The following ATP11C variants were observed in gnomAD, a reference collection of about 807,000 sequenced individuals.
The protein encoded by ATP11C is ATPase phospholipid transporting 11C (ATP11C blood group), also known as phospholipid-transporting ATPase IG.
A neutral mutation model predicts 97.4 loss-of-function variants in ATP11C; 36 were observed. That is an observed-to-expected ratio of 0.37 (90% CI 0.28 to 0.49). The LOEUF (loss-of-function observed/expected upper bound fraction) is 0.49, where lower values mean the gene tolerates loss of function less well. Ranked by LOEUF, ATP11C falls within the 20% of genes least tolerant of loss-of-function variation. The probability of loss-of-function intolerance (pLI) is 0.98; values close to 1 mark genes in which losing one functional copy is unlikely to be tolerated. For synonymous variants in ATP11C, 275 were observed against 290.9 expected, an observed-to-expected ratio of 0.95 and a Z score of 0.56; for missense variants, 730 against 824.6, an observed-to-expected ratio of 0.89 and a Z score of 1.40.
At chrX:139,892,655 C>T (rs1182408492) in intron 1 of ATP11C, among the ~76,000 whole-genome samples, 1 of 112,108 alleles carries the variant, frequency 8.9e-6, no homozygotes, top group Non-Finnish European at 1.9e-5. Flanking sequence ...CCCAGAAATA[C>T]AAGGGCTAGT....
At chrX:139,850,601 G>T (rs2083973982) in intron 1 of ATP11C, among the ~76,000 whole-genome samples, 1 of 111,637 alleles carries the variant, frequency 9.0e-6, no homozygotes, top group African/African-American at 3.3e-5. Flanking sequence ...AGTTAAAGAT[G>T]AAATTTACAA....
chrX:139,885,718 A>G lies in ATP11C; in HGVS notation c.27+46298T>C, dbSNP rs78809533. On this transcript the variant is annotated intron_variant, in intron 1 of 29. Coordinates refer to ENST00000682941, the MANE Select transcript of ATP11C (RefSeq NM_001353812.2). ...AATGCCATTCACAGTGTCAGCAGTC[A>G]AAAACAAGGAAAAATCTGTATGACT... 2.7e-5 allele frequency: 3 copies of G among 111,976 alleles called. No homozygotes were observed. The South Asian group carries it at 1.1e-3, about 41-fold the overall frequency. The allele number at this position is 111,976 out of a possible 1,213,427, so 9.2% of individuals were successfully genotyped here. A position where few individuals can be genotyped will look rare whatever the true frequency, so the allele number is the denominator to read the frequency against.
chrX:139,834,935 A>G (rs1320116232), intron 1 of ATP11C, among the ~76,000 whole-genome samples: 2 of 112,430 alleles, frequency 1.8e-5, no homozygotes, highest in African/African-American at 6.5e-5. Flanking sequence ...TTTTTTGACC[A>G]CAGAACTCTT....
At chrX:139,845,470 T>A (rs983054546) in intron 1 of ATP11C, among the ~76,000 whole-genome samples, 5 of 112,070 alleles carry the variant, frequency 4.5e-5, no homozygotes, top group African/African-American at 1.6e-4. Flanking sequence ...GGGGAATATA[T>A]GTAGGGAGTG....
intron 12 of ATP11C, among the ~76,000 whole-genome samples, chrX:139,794,478 T>A (rs775476524): frequency 8.9e-6 from 1 of 112,333 alleles, no homozygotes; most frequent in Admixed American, 9.5e-5. Flanking sequence ...GGCAAGTTGC[T>A]TATACACTGT....
At chrX:139,837,512 C>T (rs989074785) in intron 1 of ATP11C, among the ~76,000 whole-genome samples, 22 of 112,351 alleles carry the variant, frequency 2.0e-4, no homozygotes, top group African/African-American at 7.1e-4. Context: ...ATAAAAAGCA[C>T]ATGTGTATGC....
Position 139,763,385 on chromosome X carries a change from G to A in ATP11C, c.2425C>T (p.Pro809Ser), listed in dbSNP as rs1005483923. 6 of 1,207,306 alleles carry A rather than the reference G, an allele frequency of 5.0e-6. No homozygotes were observed. The highest frequency in any genetic ancestry group is 3.4e-6 in the Non-Finnish European group (3 of 892,807). ...VRMVKNLKGS[P>S]ITLSIGDGAN... ...CCATCACCTATCGACAGAGTTATTGGGCTGCCTTTTAAATTCTTCACCATT... is the reference window on the plus strand; with the variant it reads ...CCATCACCTATCGACAGAGTTATTGAGCTGCCTTTTAAATTCTTCACCATT... Residue 809 changes from proline (P) to serine (S), a missense_variant, in exon 21 of 30, where the codon CCA becomes TCA. Pro to Ser is a moderately conservative substitution (Grantham distance 74). Coordinates refer to ENST00000682941, the MANE Select transcript of ATP11C (RefSeq NM_001353812.2).
intron 19 of ATP11C, among the ~76,000 whole-genome samples, chrX:139,772,985 T>A (rs1410165343): frequency 9.1e-6 from 1 of 110,441 alleles, no homozygotes; most frequent in African/African-American, 3.3e-5. Flanking sequence ...TATGATTTGG[T>A]TGTGTCCCCA....
chrX:139,783,391 T>C, intron 16 of ATP11C, 124 bp from the exon 17 acceptor site: 1 of 423,090 alleles, frequency 2.4e-6, no homozygotes, highest in Non-Finnish European at 4.0e-6. Flanking sequence ...CACCTTGCAA[T>C]ACTCACCTAA....
At position 139,728,663 on chromosome X, in the gene ATP11C, T is replaced by C. The variant is rs1342344243; in HGVS notation, c.*303A>G. ...GTTAAAAGAGCACCCATTTGAGTTA[T>C]ATTACTCTAACTAAAGCCAGAATTC... On this transcript the variant is annotated 3_prime_UTR_variant, in exon 30 of 30. Coordinates refer to ENST00000682941, the MANE Select transcript of ATP11C (RefSeq NM_001353812.2). 1 of 308,440 alleles carries C rather than the reference T, an allele frequency of 3.2e-6. No homozygotes were observed. Among genetic ancestry groups the C allele is most frequent in the Non-Finnish European group, 5.8e-6 (1 of 172,938 alleles). The allele number at this position is 308,440 out of a possible 1,213,427, so 25.4% of individuals were successfully genotyped here. A position where few individuals can be genotyped will look rare whatever the true frequency, so the allele number is the denominator to read the frequency against.
chrX:139,861,769 T>TATAC (rs768047355), intron 1 of ATP11C, among the ~76,000 whole-genome samples: 1 of 101,319 alleles, frequency 9.9e-6, no homozygotes, highest in Admixed American at 1.1e-4. Flanking sequence ...AATCCTGTTA[T>TATAC]ACACACACAC....
At chrX:139,765,756 G>A (rs756382498) in intron 20 of ATP11C, among the ~76,000 whole-genome samples, 2 of 112,071 alleles carry the variant, frequency 1.8e-5, no homozygotes, top group South Asian at 7.5e-4. Context: ...CAACAGCAGG[G>A]TGTAGGAAGA....
At chrX:139,773,019 C>T (rs7060496) in intron 19 of ATP11C, among the ~76,000 whole-genome samples, 20,015 of 109,829 alleles carry the variant, frequency 0.18, 3,094 homozygotes, top group African/African-American at 0.5. Context: ...TTGAATTGTA[C>T]CTCCCAGAAT....
intron 1 of ATP11C, among the ~76,000 whole-genome samples, chrX:139,831,776 T>C (rs770677963): frequency 9.8e-5 from 11 of 111,865 alleles, no homozygotes; most frequent in African/African-American, 3.6e-4. Context: ...CCTGCGACTC[T>C]CAGTGTTCCT....
At chrX:139,906,282 T>C (rs1309736723) in intron 1 of ATP11C, among the ~76,000 whole-genome samples, 4 of 108,046 alleles carry the variant, frequency 3.7e-5, no homozygotes, top group African/African-American at 1.3e-4. Context: ...GCTGGGGTCA[T>C]GGCATATACC....
At chrX:139,887,022 A>C (rs943415896) in intron 1 of ATP11C, among the ~76,000 whole-genome samples, 1 of 112,114 alleles carries the variant, frequency 8.9e-6, no homozygotes, top group Non-Finnish European at 1.9e-5. Context: ...AACAAAATAA[A>C]AATTCCAGAA....
At chrX:139,918,232 G>A (rs1257986429) in intron 1 of ATP11C, among the ~76,000 whole-genome samples, 1 of 111,657 alleles carries the variant, frequency 9.0e-6, no homozygotes, top group African/African-American at 3.3e-5. Context: ...ATAGCCAAGA[G>A]GTGGAAGCAA....
Position 139,782,593 on chromosome X carries a change from T to C in ATP11C, c.1906A>G (p.Ile636Val). 1 of 1,207,824 alleles carries C rather than the reference T, an allele frequency of 8.3e-7. No homozygotes were observed. Among genetic ancestry groups the C allele is most frequent in the Non-Finnish European group, 1.1e-6 (1 of 893,315 alleles). The change falls in exon 18 of 30, where the codon ATT becomes GTT. Residue 636 changes from isoleucine (I) to valine (V), a missense_variant. Transcript: ENST00000682941. ...CCAATTAAATTCATGTTTGTCTCAA[T>C]ATCATCGAAAACTTTTTCCATTTTT... ...EEKMEKVFDD[I>V]ETNMNLIGAT...
chrX:139,790,053 A>C (rs1313552063), intron 12 of ATP11C, among the ~76,000 whole-genome samples: 1 of 109,858 alleles, frequency 9.1e-6, no homozygotes, highest in East Asian at 2.8e-4. Flanking sequence ...AAAAGTGACT[A>C]TTTTATCAAA....
Sources: allele counts gnomAD v4.1 joint callset (sites outside exome capture counted in the v4.1 genomes callset), GRCh38; gene constraint gnomAD v4.1.1; transcripts MANE v1.5; gene names NCBI Gene and HGNC (gene_info 2026-07-23, HGNC 2026-07-21).